CCND3: variants seen among roughly 807,000 people sequenced by gnomAD.
The protein encoded by CCND3 is G1/S-specific cyclin-D3.
A neutral mutation model predicts 28.7 loss-of-function variants in CCND3; 9 were observed. The observed-to-expected ratio is 0.31, with a 90% confidence interval of 0.19 to 0.55. CCND3 has a LOEUF of 0.55. CCND3 is among the 20% of genes least tolerant of loss of function. The pLI is 0.93. For missense variants in CCND3, 315 were observed against 385.8 expected (o/e 0.82, Z 1.54); for synonymous variants, 164 against 163.9 (o/e 1.00, Z 0.00).
chr6:41,991,043 G>A (rs1762631991), intron 1 of CCND3, among the ~76,000 whole-genome samples: 1 of 151,164 alleles, frequency 6.6e-6, no homozygotes, highest in African/African-American at 2.4e-5. Flanking sequence ...GTCTCTTCAA[G>A]AAATGGTGCT....
chr6:41,946,595 CAA>C (rs35369019), upstream of CCND3, among the ~76,000 whole-genome samples: 2 of 20,930 alleles, frequency 9.6e-5, no homozygotes, highest in African/African-American at 3.6e-4. Context: ...AGACCTGTCT[CAA>C]AAAAAAAAAA....
intron 1 of CCND3, among the ~76,000 whole-genome samples, chr6:41,979,349 C>T (rs1477585921): frequency 6.6e-6 from 1 of 151,204 alleles, no homozygotes; most frequent in South Asian, 2.1e-4. Flanking sequence ...CTGGCTAACA[C>T]GGTGAAACCC....
At chr6:41,956,963 G>A (rs985026457) in intron 1 of CCND3, among the ~76,000 whole-genome samples, 5 of 152,122 alleles carry the variant, frequency 3.3e-5, no homozygotes, top group Admixed American at 2.0e-4. Flanking sequence ...CCCGGGAGGC[G>A]GAACTTGCAG....
intron 1 of CCND3, among the ~76,000 whole-genome samples, chr6:42,013,130 A>G (rs1763389174): frequency 1.3e-5 from 2 of 152,204 alleles, no homozygotes; most frequent in Admixed American, 1.3e-4. Context: ...CCAGTTCATC[A>G]GTGTCTCTCT....
At position 41,988,913 on chromosome 6, in the gene CCND3, A is replaced by C. The variant is rs1184163469; in HGVS notation, c.-45-48328T>G. Among the ~76,000 whole-genome samples, 50 of 149,484 alleles carry C rather than the reference A, an allele frequency of 3.3e-4. 1 individual carries two copies. Among genetic ancestry groups the C allele is most frequent in the Non-Finnish European group, 4.7e-4 (31 of 66,506 alleles). On this transcript the variant is annotated intron_variant, in intron 1 of 4. Coordinates refer to the CCND3 transcript ENST00000372988. ...ACGGGGTTTCACTGTGTTAGCCAGGATGGTCTCGATCTCCTGACCTCATGA... is the reference window on the plus strand; with the variant it reads ...ACGGGGTTTCACTGTGTTAGCCAGGCTGGTCTCGATCTCCTGACCTCATGA...
Position 42,048,801 on chromosome 6 carries a change from A to G in CCND3, c.-346T>C. 2.4e-6 allele frequency: 1 copy of G among 424,936 alleles called. No homozygotes were observed. The highest frequency in any genetic ancestry group is 4.7e-6 in the Non-Finnish European group (1 of 214,820). 26.3% of individuals were successfully genotyped at this position (424,936 alleles called of 1,614,324 possible). On this transcript the variant is annotated 5_prime_UTR_variant, in exon 1 of 5. Transcript: ENST00000372988. The surrounding 1 kb of genome is among the most constrained non-coding windows in gnomAD (Gnocchi z 4.7). ...CAGCCAAGTTTCGGTCCCCGGCCTG[A>G]CTCTCCCACCCCCTGTACACCCTCG...
At chr6:41,943,655 G>A (rs1300620065), upstream of CCND3, among the ~76,000 whole-genome samples, 5 of 152,106 alleles carry the variant, frequency 3.3e-5, no homozygotes, top group African/African-American at 7.2e-5. Context: ...CCAATCTAAG[G>A]TTATGAAACA....
At chr6:42,040,506 T>C (rs777952037) in intron 1 of CCND3, among the ~76,000 whole-genome samples, 1 of 152,082 alleles carries the variant, frequency 6.6e-6, no homozygotes, top group African/African-American at 2.4e-5. Flanking sequence ...CAACCAGCTA[T>C]ATGACTTTGG....
At chr6:42,003,162 C>CAAAAAAAAAAA (rs55721061) in intron 1 of CCND3, among the ~76,000 whole-genome samples, 2 of 110,348 alleles carry the variant, frequency 1.8e-5, no homozygotes, top group Admixed American at 2.0e-4. Flanking sequence ...AACAGCGTGT[C>CAAAAAAAAAAA]AAAAAAAAAA....
upstream of CCND3, chr6:42,049,071 TG>T (rs890779107): frequency 9.7e-5 from 16 of 165,586 alleles, no homozygotes; most frequent in African/African-American, 3.6e-4. Context: ...AGTCTCCCTC[TG>T]TCGCCCAGGC....
intron 1 of CCND3, among the ~76,000 whole-genome samples, chr6:42,044,956 C>CTT (rs1562002036): frequency 0.02 from 2,524 of 123,844 alleles, 175 homozygotes; most frequent in African/African-American, 0.071. Flanking sequence ...GCCCGGCTAA[C>CTT]GTTTTTTTTT....
Position 42,034,563 on chromosome 6 carries a change from C to T in CCND3, c.-46+13938G>A, listed in dbSNP as rs367644523. 2.9e-3 allele frequency among the ~76,000 whole-genome samples: 413 copies of T among 143,524 alleles called. 19 individuals are homozygous for T. The South Asian group carries it at 0.086, about 30-fold the overall frequency. The allele number at this position is 143,524 out of a possible 152,430, so 94.2% of individuals were successfully genotyped here. A position where few individuals can be genotyped will look rare whatever the true frequency, so the allele number is the denominator to read the frequency against. Reference sequence around the variant, plus strand: ...TGCGATCTCGGCTCACTGCAACCTCCGCCTCCCAGGTTCAAGCAATTCCCC... The same window carrying T: ...TGCGATCTCGGCTCACTGCAACCTCTGCCTCCCAGGTTCAAGCAATTCCCC... On this transcript the variant is annotated intron_variant, in intron 1 of 4. Transcript: ENST00000372988.
chr6:41,973,673 T>G (rs1486663486), intron 1 of CCND3, among the ~76,000 whole-genome samples: 1 of 152,186 alleles, frequency 6.6e-6, no homozygotes, highest in Non-Finnish European at 1.5e-5. Flanking sequence ...AGTTGTGCAT[T>G]GGAAAAATGA....
intron 1 of CCND3, among the ~76,000 whole-genome samples, chr6:42,009,621 A>AAAACAAAACG (rs1422205528): frequency 5.4e-4 from 3 of 5,508 alleles, no homozygotes; most frequent in Non-Finnish European, 0.021. Flanking sequence ...TCAAAACAAA[A>AAAACAAAACG]AAACAAAACA....
At chr6:42,041,365 G>T (rs1377906873) in intron 1 of CCND3, among the ~76,000 whole-genome samples, 1 of 152,208 alleles carries the variant, frequency 6.6e-6, no homozygotes, top group African/African-American at 2.4e-5. Flanking sequence ...GAAAAGATGG[G>T]AGTTCCCCCA....
At chr6:41,943,076 C>A (rs1481009698), upstream of CCND3, among the ~76,000 whole-genome samples, 2 of 151,866 alleles carry the variant, frequency 1.3e-5, no homozygotes, top group Non-Finnish European at 1.5e-5. Flanking sequence ...GTTGGCCAGG[C>A]TAGTCTTGAA....
intron 1 of CCND3, among the ~76,000 whole-genome samples, chr6:41,959,679 T>TCCGTCTCAAAAAAAAA (rs772818142): frequency 4.8e-5 from 7 of 147,114 alleles, no homozygotes; most frequent in Admixed American, 6.7e-5. Context: ...ACAGCAAGAC[T>TCCGTCTCAAAAAAAAA]AAATCAGGCC....
chr6:41,948,405 G>A (rs972560811), intron 1 of CCND3, among the ~76,000 whole-genome samples: 6 of 151,224 alleles, frequency 4.0e-5, no homozygotes, highest in South Asian at 4.2e-4. Context: ...GCATGATAAC[G>A]ACTCACTGCA....
rs1379330174 is a variant in CCND3, at chr6:41,937,292, C to T, written c.517G>A (p.Asp173Asn). The T allele has an allele frequency of 6.2e-7, 1 of 1,614,030 alleles. No homozygotes were observed. The highest frequency in any genetic ancestry group is 1.3e-5 in the African/African-American group (1 of 74,906). ...FILHRLSLPR[D>N]RQALVKKHAQ... ...TGCTTTTTGACCAAGGCCTGTCGGT[C>T]ACGGGGCAGAGAGAGCCGGTGCAGA... is the stretch of plus-strand genomic sequence containing the variant. The change falls in exon 3 of 5, where the codon GAC becomes AAC. Residue 173 changes from aspartate to asparagine, a missense_variant. By Grantham distance (23) the Asp-to-Asn change is conservative. Coordinates refer to ENST00000372991, the MANE Select transcript of CCND3 (RefSeq NM_001760.5).
Sources: gnomAD v4.1 joint callset for allele counts (sites outside exome capture counted in the v4.1 genomes callset) on GRCh38, gnomAD v4.1.1 for gene constraint, Gnocchi (gnomAD v3.1) non-coding constraint, MANE v1.5 for transcripts, NCBI Gene and HGNC (gene_info 2026-07-23, HGNC 2026-07-21) for gene names.